The following TYW1 variants were observed in gnomAD, a reference collection of about 807,000 sequenced individuals.
TYW1 encodes S-adenosyl-L-methionine-dependent tRNA 4-demethylwyosine synthase TYW1.
Under a neutral mutation model 96.2 loss-of-function variants are expected in TYW1, and 46 were observed. That is an observed-to-expected ratio of 0.48 (90% CI 0.38 to 0.61). The LOEUF is 0.61. Ranked by LOEUF, TYW1 falls within the 20% of genes least tolerant of loss-of-function variation. The probability of loss-of-function intolerance (pLI) is 0.00; values close to 1 mark genes in which losing one functional copy is unlikely to be tolerated. For synonymous variants in TYW1, 274 were observed against 323.0 expected (o/e 0.85, Z 1.63); for missense variants, 684 against 909.6 (o/e 0.75, Z 3.19).
intron 7 of TYW1, among the ~76,000 whole-genome samples, chr7:67,030,418 T>A (rs1417238389): frequency 1.3e-5 from 2 of 151,730 alleles, no homozygotes. Context: ...TCACCTGAGG[T>A]CACGAGTTCG....
chr7:67,203,252 G>A (rs1175223542), intron 15 of TYW1, among the ~76,000 whole-genome samples: 1 of 152,088 alleles, frequency 6.6e-6, no homozygotes, highest in African/African-American at 2.4e-5. Flanking sequence ...GAGCCACTTC[G>A]GCTTTCTTTT....
chr7:67,210,893 T>TATCCAACCATCC (rs1480829496), intron 15 of TYW1, among the ~76,000 whole-genome samples: 3 of 141,174 alleles, frequency 2.1e-5, no homozygotes, highest in African/African-American at 8.2e-5. Context: ...TCCATCCATC[T>TATCCAACCATCC]ATCCATCTGT....
chr7:67,091,134 A>G (rs1796702593), intron 11 of TYW1, among the ~76,000 whole-genome samples: 1 of 152,144 alleles, frequency 6.6e-6, no homozygotes, highest in South Asian at 2.1e-4. Flanking sequence ...TTGCAGCACT[A>G]TTCACAATAG....
At chr7:67,035,499 C>T (rs1794808056) in intron 7 of TYW1, among the ~76,000 whole-genome samples, 1 of 152,150 alleles carries the variant, frequency 6.6e-6, no homozygotes, top group Non-Finnish European at 1.5e-5. Context: ...CCACTTTTGA[C>T]ACCAGCTACA....
chr7:67,159,946 G>A (rs1015204905), intron 13 of TYW1, among the ~76,000 whole-genome samples: 7 of 150,674 alleles, frequency 4.6e-5, no homozygotes, highest in South Asian at 4.2e-4. Context: ...GACTACAGGC[G>A]CCCGCCACCA....
At chr7:67,010,175 T>C (rs1352306379) in intron 4 of TYW1, among the ~76,000 whole-genome samples, 1 of 151,966 alleles carries the variant, frequency 6.6e-6, no homozygotes, top group East Asian at 1.9e-4. Context: ...TCTGTGTTTT[T>C]TGCTAGAGAT....
chr7:67,032,104 G>A (rs1345523480), intron 7 of TYW1, among the ~76,000 whole-genome samples: 1 of 151,948 alleles, frequency 6.6e-6, no homozygotes, highest in Non-Finnish European at 1.5e-5. Context: ...TAAAAGAGAC[G>A]ATGAGAAAAT....
intron 15 of TYW1, among the ~76,000 whole-genome samples, chr7:67,198,698 C>G (rs988782457): frequency 6.4e-4 from 97 of 152,060 alleles, no homozygotes; most frequent in Non-Finnish European, 1.0e-3. Flanking sequence ...AAAGACTGTC[C>G]CTAAAACAGG....
intron 15 of TYW1, among the ~76,000 whole-genome samples, chr7:67,237,703 G>A (rs957987465): frequency 2.0e-5 from 3 of 151,602 alleles, no homozygotes; most frequent in African/African-American, 7.3e-5. Flanking sequence ...TTATTCCACC[G>A]TGACTTTTGA....
Position 67,013,892 on chromosome 7 carries a change from C to T in TYW1, c.376-475C>T, listed in dbSNP as rs563693335. 2.7e-3 allele frequency among the ~76,000 whole-genome samples: 411 copies of T among 151,678 alleles called. 2 individuals are homozygous for T. The highest frequency in any genetic ancestry group is 4.1e-3 in the Non-Finnish European group (276 of 67,890). On this transcript the variant is annotated intron_variant, in intron 4 of 15. Coordinates refer to ENST00000359626, the MANE Select transcript of TYW1 (RefSeq NM_018264.4). The stretch of plus-strand genomic sequence containing the variant: ...CTGAGTAGCTGGGACTACAGGCACC[C>T]GCCACCACGCCCGGCTAATTTTTTG...
At chr7:67,113,196 A>G (rs1165834295) in intron 12 of TYW1, among the ~76,000 whole-genome samples, 1 of 151,714 alleles carries the variant, frequency 6.6e-6, no homozygotes, top group Non-Finnish European at 1.5e-5. Context: ...ATTTATACCC[A>G]TTACATTTTC....
intron 11 of TYW1, among the ~76,000 whole-genome samples, chr7:67,089,994 C>T (rs71222220): frequency 9.9e-5 from 15 of 152,188 alleles, no homozygotes; most frequent in South Asian, 2.1e-4. Flanking sequence ...GTGATTGCAC[C>T]GTCTTTGTCA....
At position 67,195,163 on chromosome 7, in the gene TYW1, T is replaced by G; in HGVS notation, c.1810-7T>G. On this transcript the variant is annotated splice_region_variant and splice_polypyrimidine_tract_variant and intron_variant, in intron 14 of 15. Coordinates refer to ENST00000359626, the MANE Select transcript of TYW1 (RefSeq NM_018264.4). ...AGTCATCTCTGATGGTTATACTGTT[T>G]CCACAGGGCGTTACCTACTGCGGAG... 1 of 1,613,574 alleles carries G rather than the reference T, an allele frequency of 6.2e-7. No homozygotes were observed.
intron 9 of TYW1, among the ~76,000 whole-genome samples, chr7:67,059,101 T>TG (rs1420313292): frequency 1.3e-5 from 2 of 149,150 alleles, no homozygotes; most frequent in Admixed American, 6.7e-5. Flanking sequence ...ACAAAGTTTT[T>TG]TTTTTTTTTT....
chr7:67,216,085 C>T (rs1309596673), intron 15 of TYW1, among the ~76,000 whole-genome samples: 2 of 151,676 alleles, frequency 1.3e-5, no homozygotes, highest in African/African-American at 4.8e-5. Context: ...GTTCTTTTTC[C>T]TTTCTGTACT....
chr7:67,053,516 A>T (rs1795426815), intron 8 of TYW1, among the ~76,000 whole-genome samples: 1 of 151,620 alleles, frequency 6.6e-6, no homozygotes, highest in Admixed American at 6.6e-5. Context: ...AGTAGCTGGG[A>T]TTACATGCAT....
At chr7:67,069,247 GT>G (rs1795961882) in intron 10 of TYW1, among the ~76,000 whole-genome samples, 1 of 152,070 alleles carries the variant, frequency 6.6e-6, no homozygotes, top group African/African-American at 2.4e-5. Flanking sequence ...TTTTGAATTG[GT>G]AAACTATTTT....
rs570168600 is a variant in TYW1 at position 67,191,715 on chromosome 7, G to C, written c.1810-3455G>C. On this transcript the variant is annotated intron_variant, in intron 14 of 15. Coordinates refer to ENST00000359626, the MANE Select transcript of TYW1 (RefSeq NM_018264.4). ...GTCGCAGCAGAGAGAAAACCAGACA[G>C]AGCCATTGGGCTCTGAGTGAGAGCT... 2.0e-5 allele frequency among the ~76,000 whole-genome samples: 3 copies of C among 151,022 alleles called. No homozygotes were observed. In the South Asian group the frequency reaches 6.4e-4, roughly 32 times the overall value.
At position 67,239,224 on chromosome 7, in the gene TYW1, C is replaced by G. The variant is rs1801985837; in HGVS notation, c.*695C>G. The G allele has an allele frequency of 1.0e-6, 1 of 985,162 alleles. No homozygotes were observed. The highest frequency in any genetic ancestry group is 1.7e-5 in the African/African-American group (1 of 57,198). The allele number at this position is 985,162 out of a possible 1,614,324, so 61.0% of individuals were successfully genotyped here. A position where few individuals can be genotyped will look rare whatever the true frequency, so the allele number is the denominator to read the frequency against. On this transcript the variant is annotated 3_prime_UTR_variant, in exon 16 of 16. Coordinates refer to ENST00000359626, the MANE Select transcript of TYW1 (RefSeq NM_018264.4). ...AAGCTGTCTGCTGTAAGAGGAGTGG[C>G]CATGTGAGGGCATGGAGTCATTAGT...
Sources: gnomAD v4.1 joint callset for allele counts (sites outside exome capture counted in the v4.1 genomes callset) on GRCh38, gnomAD v4.1.1 for gene constraint, MANE v1.5 for transcripts, NCBI Gene and HGNC (gene_info 2026-07-23, HGNC 2026-07-21) for gene names.